The following ARHGAP8 variants were observed in gnomAD, a reference collection of about 807,000 sequenced individuals.
The protein encoded by ARHGAP8 is rho GTPase-activating protein 8.
ARHGAP8 carries 62 observed loss-of-function variants against 46.1 expected under a neutral mutation model. The observed-to-expected ratio is 1.34, with a 90% CI of 1.10 to 1.66. The LOEUF is 1.66. Among genes scored for constraint, ARHGAP8 ranks in the 40% most tolerant of loss-of-function variants. The pLI, the probability that ARHGAP8 is intolerant of heterozygous loss-of-function variation, is 0.00. For missense variants in ARHGAP8, 923 were observed against 568.4 expected (o/e 1.62, Z -6.34); for synonymous variants, 375 against 243.1 (o/e 1.54, Z -5.05).
intron 8 of ARHGAP8, among the ~76,000 whole-genome samples, chr22:44,846,481 C>A (rs1020425323): frequency 6.6e-6 from 1 of 152,158 alleles, no homozygotes; most frequent in African/African-American, 2.4e-5. Flanking sequence ...GAGACCATCT[C>A]CCTCAAACCC....
At chr22:44,757,893 A>T (rs1451437080) in intron 1 of ARHGAP8, among the ~76,000 whole-genome samples, 1 of 149,676 alleles carries the variant, frequency 6.7e-6, no homozygotes, top group Non-Finnish European at 1.5e-5. Flanking sequence ...ACCTCAAGTG[A>T]TCTGCCCACC....
chr22:44,801,077 A>G (rs574922542), intron 2 of ARHGAP8, among the ~76,000 whole-genome samples: 10 of 27,048 alleles, frequency 3.7e-4, no homozygotes, highest in East Asian at 1.3e-3. Context: ...TCCATGTGTG[A>G]GGGGCACCTC....
intron 7 of ARHGAP8, among the ~76,000 whole-genome samples, chr22:44,835,588 T>A (rs1931230633): frequency 1.3e-5 from 2 of 152,312 alleles, no homozygotes; most frequent in African/African-American, 4.8e-5. Context: ...GCCACTGCAC[T>A]CCAGCATGGC....
chr22:44,766,496 G>A lies in ARHGAP8; in HGVS notation c.-72+13869G>A, dbSNP rs546723382. Among the ~76,000 whole-genome samples, 30 of 152,018 alleles carry A rather than the reference G, an allele frequency of 2.0e-4. No homozygotes were observed. In the East Asian group the frequency reaches 4.6e-3, roughly 23 times the overall value. On this transcript the variant is annotated intron_variant, in intron 1 of 11. Coordinates refer to ENST00000356099, the MANE Select transcript of ARHGAP8 (RefSeq NM_181335.3). Reference sequence around the variant, plus strand: ...TGTGCATATGTGTGTCTCTGTGTACGTGTGTCTCTGTGCATGTCTGTGTGC... The same window carrying A: ...TGTGCATATGTGTGTCTCTGTGTACATGTGTCTCTGTGCATGTCTGTGTGC...
In ARHGAP8 at chr22:44,862,634, A is replaced by C. The variant is rs374093151; in HGVS notation, c.*39A>C. 97 of 1,521,166 alleles carry C rather than the reference A, an allele frequency of 6.4e-5. No individual in the cohort carries two copies. In the African/African-American group the frequency reaches 1.2e-3, roughly 18 times the overall value. The allele number at this position is 1,521,166 out of a possible 1,614,324, so 94.2% of individuals were successfully genotyped here. A position where few individuals can be genotyped will look rare whatever the true frequency, so the allele number is the denominator to read the frequency against. On this transcript the variant is annotated 3_prime_UTR_variant, in exon 12 of 12. Transcript: ENST00000356099. ...CTGTATATTTCGAGCTACCTCCCAC[A>C]CCTGTCTGTGCACTTGTATGTTTTG...
At chr22:44,798,991 G>T (rs2147073491) in intron 2 of ARHGAP8, among the ~76,000 whole-genome samples, 1 of 152,314 alleles carries the variant, frequency 6.6e-6, no homozygotes, top group African/African-American at 2.4e-5. Flanking sequence ...CCACTCCTGT[G>T]TGAGGAAAGG....
chr22:44,845,072 C>G (rs1024239373), intron 7 of ARHGAP8, among the ~76,000 whole-genome samples, 197 bp from the exon 8 acceptor site: 1 of 152,118 alleles, frequency 6.6e-6, no homozygotes, highest in Admixed American at 6.6e-5. Context: ...TCATGGAGTT[C>G]TCAAATACTG....
intron 10 of ARHGAP8, 66 bp from the exon 11 acceptor site, chr22:44,859,665 C>G (rs148036885): frequency 1.9e-6 from 3 of 1,566,840 alleles, no homozygotes; most frequent in Admixed American, 3.4e-5. Context: ...GTTCTCCTCC[C>G]GGGCCGGGAT....
chr22:44,862,568 CCT>C lies in ARHGAP8; in HGVS notation c.1276_1277del (p.Leu426AspfsTer48), dbSNP rs756163077. ...CCAAGCCTACCCTACCTCCGAGTCCCCTGATGGCAGCCAGAAGACGTCTCTAG... is the reference window on the plus strand; with the variant it reads ...CCAAGCCTACCCTACCTCCGAGTCCCGATGGCAGCCAGAAGACGTCTCTAG... ...LTKPTLPPSP[L>X]MAARRRL On this transcript the variant is annotated frameshift_variant, in exon 12 of 12. Transcript: ENST00000356099. LOFTEE classifies it high-confidence loss of function. The C allele has an allele frequency of 1.3e-6, 2 of 1,592,156 alleles. No homozygotes were observed. Among genetic ancestry groups the C allele is most frequent in the African/African-American group, 1.3e-5 (1 of 74,518 alleles).
intron 7 of ARHGAP8, among the ~76,000 whole-genome samples, chr22:44,827,138 C>G (rs1349946500): frequency 6.6e-6 from 1 of 151,936 alleles, no homozygotes; most frequent in Non-Finnish European, 1.5e-5. Context: ...GGGTCAGAGT[C>G]AGAGAGGAGA....
intron 7 of ARHGAP8, among the ~76,000 whole-genome samples, chr22:44,833,038 C>G (rs193069093): frequency 5.9e-5 from 9 of 151,778 alleles, no homozygotes; most frequent in Middle Eastern, 3.4e-3. Context: ...TAGCTGTGTG[C>G]ATTTCATAGA....
chr22:44,781,597 C>G (rs1926850432), intron 1 of ARHGAP8, among the ~76,000 whole-genome samples: 1 of 152,208 alleles, frequency 6.6e-6, no homozygotes, highest in Non-Finnish European at 1.5e-5. Flanking sequence ...GATCTCAGCT[C>G]ACTGCAGCCT....
In ARHGAP8 at chr22:44,849,007, T is replaced by C; in HGVS notation, c.824T>C (p.Leu275Pro). ...ATCCTGAAGACCTTCCTGCGAGAGC[T>C]GCCCCAGCCGCTTCTGACCTTCCAG... Reference protein sequence around the residue: ...AVILKTFLRELPQPLLTFQAY... With the variant: ...AVILKTFLREPPQPLLTFQAY... The change falls in exon 10 of 12, where the codon CTG (leucine) becomes CCG (proline). Residue 275 changes from leucine to proline, a missense_variant. Physicochemically the swap from Leu to Pro is moderately conservative, Grantham distance 98. Coordinates refer to ENST00000356099, the MANE Select transcript of ARHGAP8 (RefSeq NM_181335.3). The C allele has an allele frequency of 6.2e-7, 1 of 1,614,084 alleles. No homozygotes were observed. Among genetic ancestry groups the C allele is most frequent in the Non-Finnish European group, 8.5e-7 (1 of 1,180,038 alleles).
In ARHGAP8 at chr22:44,859,797, A is replaced by C. The variant is rs139756068; in HGVS notation, c.944A>C (p.Tyr315Ser). The change falls in exon 11 of 12, where the codon TAC becomes TCC. Residue 315 changes from tyrosine (Y) to serine (S), a missense_variant. Coordinates refer to ENST00000356099, the MANE Select transcript of ARHGAP8 (RefSeq NM_181335.3). ...TTACGGAGCCTCCCAGAGCACAACT[A>C]CGTCGTCCTCCGCTACCTCATGGGC... is the stretch of plus-strand genomic sequence containing the variant. ...QILRSLPEHN[Y>S]VVLRYLMGFL... The C allele has an allele frequency of 2.6e-5, 42 of 1,613,844 alleles. No homozygotes were observed. The South Asian group carries it at 2.6e-4, about 10-fold the overall frequency.
At chr22:44,846,761 C>G (rs2069966927) in intron 8 of ARHGAP8, among the ~76,000 whole-genome samples, 1 of 152,168 alleles carries the variant, frequency 6.6e-6, no homozygotes, top group Non-Finnish European at 1.5e-5. Flanking sequence ...GTGCCAGACT[C>G]TGGGGATATC....
chr22:44,778,462 A>G (rs1409009048), intron 1 of ARHGAP8, among the ~76,000 whole-genome samples: 17 of 152,070 alleles, frequency 1.1e-4, no homozygotes, highest in Admixed American at 1.1e-3. Flanking sequence ...CATTTTTGCG[A>G]TTGCGAATTG....
chr22:44,823,049 C>A (rs1003379346), intron 6 of ARHGAP8, among the ~76,000 whole-genome samples: 4 of 152,240 alleles, frequency 2.6e-5, no homozygotes, highest in African/African-American at 9.6e-5. Context: ...CCCTGTGTCT[C>A]CCTCTCTGAG....
chr22:44,820,830 G>A (rs527299131), intron 5 of ARHGAP8, among the ~76,000 whole-genome samples: 2 of 152,238 alleles, frequency 1.3e-5, no homozygotes, highest in African/African-American at 2.4e-5. Flanking sequence ...GGCCTCCCTC[G>A]GGGCTCCTTT....
intron 2 of ARHGAP8, among the ~76,000 whole-genome samples, chr22:44,791,741 A>G (rs887676494): frequency 6.6e-6 from 1 of 152,108 alleles, no homozygotes; most frequent in Non-Finnish European, 1.5e-5. Flanking sequence ...CAGCTTCTTG[A>G]GAAACTTAAC....
Sources: allele counts gnomAD v4.1 joint callset (sites outside exome capture counted in the v4.1 genomes callset), GRCh38; gene constraint gnomAD v4.1.1; transcripts MANE v1.5; gene names NCBI Gene and HGNC (gene_info 2026-07-23, HGNC 2026-07-21).